Variants in IP6K1 observed in about 807,000 individuals in gnomAD.
The protein encoded by IP6K1 is inositol hexakisphosphate kinase 1.
IP6K1 carries 13 observed loss-of-function variants against 38.3 expected under a neutral mutation model. The observed-to-expected ratio is 0.34, with a 90% CI of 0.22 to 0.54. IP6K1 has a LOEUF of 0.54. Ranked by LOEUF, IP6K1 falls within the 20% of genes least tolerant of loss-of-function variation. IP6K1 has a pLI of 0.92. For synonymous variants in IP6K1, 212 were observed against 229.9 expected, an observed-to-expected ratio of 0.92 and a Z score of 0.70; for missense variants, 397 against 599.8, an observed-to-expected ratio of 0.66 and a Z score of 3.53.
At chr3:49,744,079 T>C (rs572116131) in intron 2 of IP6K1, among the ~76,000 whole-genome samples, 134 of 152,094 alleles carry the variant, frequency 8.8e-4, no homozygotes, top group Non-Finnish European at 1.6e-3. Flanking sequence ...TCTATTCCCA[T>C]CATTCCTTCT....
chr3:49,781,164 T>C (rs568459440), intron 1 of IP6K1, among the ~76,000 whole-genome samples: 2 of 151,700 alleles, frequency 1.3e-5, no homozygotes. Flanking sequence ...CAGGTTCAAG[T>C]GATTCTACTG....
intron 1 of IP6K1, among the ~76,000 whole-genome samples, chr3:49,782,690 A>T (rs2081076467): frequency 6.6e-6 from 1 of 152,060 alleles, no homozygotes. Context: ...GCATGTGTGT[A>T]GTCCTAGCTA....
At chr3:49,768,106 G>T (rs1402156901) in intron 1 of IP6K1, among the ~76,000 whole-genome samples, 1 of 151,734 alleles carries the variant, frequency 6.6e-6, no homozygotes, top group East Asian at 1.9e-4. Context: ...TGCACTGCTG[G>T]TGAGAATGTA....
At chr3:49,772,479 T>C (rs759040313) in intron 1 of IP6K1, among the ~76,000 whole-genome samples, 26 of 152,002 alleles carry the variant, frequency 1.7e-4, no homozygotes, top group South Asian at 2.1e-4. Context: ...CATGATTCAC[T>C]GCAGCCTCCA....
At chr3:49,763,478 C>T (rs1359312073) in intron 1 of IP6K1, among the ~76,000 whole-genome samples, 1 of 152,062 alleles carries the variant, frequency 6.6e-6, no homozygotes, top group Non-Finnish European at 1.5e-5. Context: ...GATTTTAGAA[C>T]AATGTCCTTC....
intron 1 of IP6K1, among the ~76,000 whole-genome samples, chr3:49,753,618 T>C (rs942396345): frequency 6.6e-6 from 1 of 152,206 alleles, no homozygotes; most frequent in Non-Finnish European, 1.5e-5. Context: ...TATATGTATG[T>C]TTATGATATA....
chr3:49,766,107 C>A (rs991899157), intron 1 of IP6K1, among the ~76,000 whole-genome samples: 2 of 151,842 alleles, frequency 1.3e-5, no homozygotes, highest in Non-Finnish European at 2.9e-5. Context: ...ATCCGGGAGG[C>A]GGAGCTTGCC....
intron 3 of IP6K1, among the ~76,000 whole-genome samples, chr3:49,734,282 T>C (rs903710648): frequency 3.9e-5 from 6 of 152,034 alleles, no homozygotes; most frequent in African/African-American, 1.4e-4. Context: ...CCAACAATAC[T>C]GTCTATCATA....
intron 1 of IP6K1, among the ~76,000 whole-genome samples, chr3:49,781,009 A>T (rs2081060698): frequency 6.6e-6 from 1 of 152,226 alleles, no homozygotes; most frequent in African/African-American, 2.4e-5. Context: ...AAAAAGTGTA[A>T]AATACAGTCC....
intron 1 of IP6K1, among the ~76,000 whole-genome samples, chr3:49,780,470 C>T (rs2081055942): frequency 6.6e-6 from 1 of 152,112 alleles, no homozygotes. Context: ...TGCCTGACTG[C>T]TTCCTTGTTG....
At chr3:49,771,188 CAAA>C (rs35601566) in intron 1 of IP6K1, among the ~76,000 whole-genome samples, 30 of 72,496 alleles carry the variant, frequency 4.1e-4, no homozygotes, top group South Asian at 1.1e-3. Flanking sequence ...AACTCAGTAA[CAAA>C]AAAAAAAAAA....
intron 1 of IP6K1, among the ~76,000 whole-genome samples, chr3:49,779,749 A>G (rs963364999): frequency 6.6e-6 from 1 of 152,270 alleles, no homozygotes; most frequent in South Asian, 2.1e-4. Context: ...GCAGTGGTAC[A>G]ATCAAGGCTC....
chr3:49,763,183 A>G (rs1352555801), intron 1 of IP6K1, among the ~76,000 whole-genome samples: 2 of 148,806 alleles, frequency 1.3e-5, no homozygotes, highest in Admixed American at 6.8e-5. Flanking sequence ...GGCTCACTGC[A>G]AGCTCCGCCT....
chr3:49,740,225 A>ATCCTTTTTTTTTTTTTTTTTTTT (rs1553693842), intron 2 of IP6K1, among the ~76,000 whole-genome samples: 1 of 130,816 alleles, frequency 7.6e-6, no homozygotes, highest in Non-Finnish European at 1.6e-5. Flanking sequence ...AAAATTTGCA[A>ATCCTTTTTTTTTTTTTTTTTTTT]TTCTTTTTTT....
chr3:49,764,848 GC>G (rs1230643905), intron 1 of IP6K1, among the ~76,000 whole-genome samples: 7 of 150,704 alleles, frequency 4.6e-5, no homozygotes, highest in Admixed American at 4.6e-4. Flanking sequence ...CTGCACTATA[GC>G]CTGGGTGACA....
chr3:49,759,518 T>G (rs563096892), intron 1 of IP6K1, among the ~76,000 whole-genome samples: 2 of 152,298 alleles, frequency 1.3e-5, no homozygotes, highest in South Asian at 4.1e-4. Flanking sequence ...ATTTCTTATA[T>G]AGTTAGACAT....
chr3:49,747,965 G>A lies in IP6K1; in HGVS notation c.76C>T (p.Leu26=), dbSNP rs2108237422. Residue 26 remains leucine (L), a synonymous_variant, in exon 2 of 6, where the codon CTG becomes TTG. Coordinates refer to ENST00000321599, the MANE Select transcript of IP6K1 (RefSeq NM_153273.4). ...ASRAGDRGVL[L]EPFIHQVGGH... ...CCTACTTGGTGGATGAAGGGCTCCA[G>A]GAGGACTCCCCGGTCTCCAGCCCGA... is the stretch of plus-strand genomic sequence containing the variant. 2 of 1,614,152 alleles carry A rather than the reference G, an allele frequency of 1.2e-6. No individual in the cohort carries two copies. The highest frequency in any genetic ancestry group is 1.7e-6 in the Non-Finnish European group (2 of 1,180,030).
intron 2 of IP6K1, among the ~76,000 whole-genome samples, chr3:49,742,246 A>G (rs1015356805): frequency 3.2e-4 from 48 of 152,266 alleles, no homozygotes; most frequent in African/African-American, 1.1e-3. Flanking sequence ...AGCCCAATTT[A>G]GTCAAAGAAA....
intron 3 of IP6K1, among the ~76,000 whole-genome samples, chr3:49,735,115 G>A (rs531802625): frequency 3.9e-4 from 59 of 152,334 alleles, no homozygotes; most frequent in African/African-American, 1.4e-3. Context: ...TACGCTTTGG[G>A]AGGCCAAGGT....
Sources: gnomAD v4.1 joint callset for allele counts (sites outside exome capture counted in the v4.1 genomes callset) on GRCh38, gnomAD v4.1.1 for gene constraint, MANE v1.5 for transcripts, NCBI Gene and HGNC (gene_info 2026-07-23, HGNC 2026-07-21) for gene names.